PCDHGA6: variants seen among roughly 807,000 people sequenced by gnomAD.
PCDHGA6 encodes the protein protocadherin gamma subfamily A, 6, also known as protocadherin gamma-A6.
Under a neutral mutation model 60.6 loss-of-function variants are expected in PCDHGA6, and 41 were observed. The observed-to-expected ratio is 0.68, with a 90% CI of 0.53 to 0.88. The LOEUF is 0.88. Among genes scored for constraint, PCDHGA6 ranks in the 40% least tolerant of loss-of-function variants. PCDHGA6 has a pLI of 0.00. For missense variants in PCDHGA6, 1,312 were observed against 1,203.0 expected, an observed-to-expected ratio of 1.09 and a Z score of -1.34; for synonymous variants, 594 against 524.4, an observed-to-expected ratio of 1.13 and a Z score of -1.81.
intron 1 of PCDHGA6, chr5:141,478,227 G>A: frequency 6.2e-7 from 1 of 1,614,104 alleles, no homozygotes; most frequent in Non-Finnish European, 8.5e-7. Context: ...GTTTCTGTGG[G>A]GTTTGTGGTC....
chr5:141,436,591 G>A (rs903125499), intron 1 of PCDHGA6, among the ~76,000 whole-genome samples: 8 of 152,154 alleles, frequency 5.3e-5, no homozygotes, highest in Non-Finnish European at 1.0e-4. Context: ...TTGAAAGGTC[G>A]TGGTGATGGC....
chr5:141,402,714 T>G (rs1024254405), intron 1 of PCDHGA6, among the ~76,000 whole-genome samples: 2 of 152,220 alleles, frequency 1.3e-5, no homozygotes, highest in African/African-American at 4.8e-5. Flanking sequence ...TAGTAACGGC[T>G]TAGGACTCTG....
Position 141,431,003 on chromosome 5 carries a change from G to C in PCDHGA6, c.2424+54496G>C. The C allele has an allele frequency of 6.2e-7, 1 of 1,614,078 alleles. No individual in the cohort carries two copies. The highest frequency in any genetic ancestry group is 8.5e-7 in the Non-Finnish European group (1 of 1,179,974). On this transcript the variant is annotated intron_variant, in intron 1 of 3. Transcript: ENST00000517434. The surrounding 1 kb of genome is among the most constrained non-coding windows in gnomAD (Gnocchi z 4.8). ...GCTTTTCGCCCTGAATCCGCGCAGC[G>C]GCAGCTTGGTCACGGCGGGCAGGAT... is the stretch of plus-strand genomic sequence containing the variant.
At chr5:141,414,753 T>G (rs10041534) in intron 1 of PCDHGA6, 22 of 1,614,088 alleles carry the variant, frequency 1.4e-5, no homozygotes, top group Non-Finnish European at 1.8e-5. Context: ...CCTTCGACTA[T>G]GAGCAGTTTC....
chr5:141,426,369 A>G, intron 1 of PCDHGA6: 1 of 205,906 alleles, frequency 4.9e-6, no homozygotes, highest in Non-Finnish European at 1.0e-5. Context: ...TCTGCGGGGC[A>G]CCCTCGGAGC....
At chr5:141,407,238 T>C (rs538322072) in intron 1 of PCDHGA6, among the ~76,000 whole-genome samples, 1 of 152,338 alleles carries the variant, frequency 6.6e-6, no homozygotes, top group East Asian at 1.9e-4. Context: ...AAATAAAGCA[T>C]ACTTCAGGCT....
chr5:141,502,900 T>C (rs1433421797), intron 2 of PCDHGA6, among the ~76,000 whole-genome samples: 2 of 147,288 alleles, frequency 1.4e-5, no homozygotes, highest in Non-Finnish European at 3.0e-5. Flanking sequence ...TCTAGCTCTG[T>C]TGCCAGGCTG....
At chr5:141,433,358 C>CCTAT (rs3074541) in intron 1 of PCDHGA6, 148,925 of 502,316 alleles carry the variant, frequency 0.3, 18,760 homozygotes, top group East Asian at 0.33. Flanking sequence ...CTACTGTCTG[C>CCTAT]CTATCTATCT....
intron 1 of PCDHGA6, chr5:141,408,651 C>T (rs373860648): frequency 6.2e-7 from 1 of 1,614,012 alleles, no homozygotes; most frequent in Non-Finnish European, 8.5e-7. Flanking sequence ...TCCGCTGGTA[C>T]ACGACTATCG....
At position 141,374,262 on chromosome 5, in the gene PCDHGA6, C is replaced by T. The variant is rs369097101; in HGVS notation, c.179C>T (p.Ala60Val). ...KDLGLEPQEL[A>V]EHGVRIVSRG... ...CTGGGACTGGAGCCCCAGGAGTTGGCGGAGCACGGAGTCCGCATCGTCTCC... is the reference window on the plus strand; with the variant it reads ...CTGGGACTGGAGCCCCAGGAGTTGGTGGAGCACGGAGTCCGCATCGTCTCC... Residue 60 changes from alanine (A) to valine (V), a missense_variant, in exon 1 of 4, where the codon GCG (alanine) becomes GTG (valine). By Grantham distance (64) the Ala-to-Val change is moderately conservative. Transcript: ENST00000517434. The T allele has an allele frequency of 6.2e-7, 1 of 1,613,942 alleles. No individual in the cohort carries two copies. Among genetic ancestry groups the T allele is most frequent in the Non-Finnish European group, 8.5e-7 (1 of 1,179,870 alleles).
intron 3 of PCDHGA6, among the ~76,000 whole-genome samples, chr5:141,505,989 T>C (rs1275642739): frequency 6.6e-6 from 1 of 152,136 alleles, no homozygotes; most frequent in Non-Finnish European, 1.5e-5. Context: ...ACACCTCCTC[T>C]TTATGCGAGG....
intron 1 of PCDHGA6, chr5:141,478,259 T>G: frequency 6.2e-7 from 1 of 1,614,182 alleles, no homozygotes. Context: ...AGTAATCATA[T>G]TCAAAGTTTA....
chr5:141,466,799 C>T (rs1049340129), intron 1 of PCDHGA6, among the ~76,000 whole-genome samples: 1 of 152,056 alleles, frequency 6.6e-6, no homozygotes, highest in African/African-American at 2.4e-5. Flanking sequence ...CAAACTAGAT[C>T]CTATTCAGAC....
chr5:141,380,502 T>C (rs932449846), intron 1 of PCDHGA6, among the ~76,000 whole-genome samples: 2 of 152,190 alleles, frequency 1.3e-5, no homozygotes, highest in Admixed American at 1.3e-4. Flanking sequence ...AACAATAATA[T>C]ACACTCTTTA....
chr5:141,491,980 C>A lies in PCDHGA6; in HGVS notation c.2425-2827C>A. On this transcript the variant is annotated intron_variant, in intron 1 of 3. Coordinates refer to ENST00000517434, the MANE Select transcript of PCDHGA6 (RefSeq NM_018919.3). This position sits in a 1 kb window ranked among gnomAD's most constrained non-coding sequence, Gnocchi z 6.9. ...AAAAAAGGCCGGGGCCTCCTTCGAGCTTCCGGTGAATTTCGGGCGATTTCC... is the reference window on the plus strand; with the variant it reads ...AAAAAAGGCCGGGGCCTCCTTCGAGATTCCGGTGAATTTCGGGCGATTTCC... 1.3e-6 allele frequency: 1 copy of A among 784,426 alleles called. No homozygotes were observed. Among genetic ancestry groups the A allele is most frequent in the Non-Finnish European group, 1.9e-6 (1 of 530,582 alleles). The allele number at this position is 784,426 out of a possible 1,614,324, so 48.6% of individuals were successfully genotyped here.
At chr5:141,379,835 A>G (rs898204627) in intron 1 of PCDHGA6, among the ~76,000 whole-genome samples, 9 of 143,642 alleles carry the variant, frequency 6.3e-5, no homozygotes, top group Non-Finnish European at 3.1e-5. Context: ...AAGCATCAGG[A>G]AAAAAAACTA....
At chr5:141,494,752 T>G (rs889400984) in intron 1 of PCDHGA6, 55 bp from the exon 2 acceptor site, 6 of 1,612,324 alleles carry the variant, frequency 3.7e-6, no homozygotes, top group East Asian at 2.2e-5. Flanking sequence ...GGGGCTCGGG[T>G]GACATTCTAA....
At chr5:141,384,000 T>C (rs1160567279) in intron 1 of PCDHGA6, 2 of 1,613,774 alleles carry the variant, frequency 1.2e-6, no homozygotes, top group African/African-American at 1.3e-5. Flanking sequence ...CAGTCATTGC[T>C]CTTTTCTACC....
rs756915110 is a variant in PCDHGA6, at chr5:141,490,431, T to C, written c.2425-4376T>C. 6 of 1,614,036 alleles carry C rather than the reference T, an allele frequency of 3.7e-6. No individual in the cohort carries two copies. In the South Asian group the frequency reaches 6.6e-5, roughly 18 times the overall value. ...TCTCTCCGGACCTGCCATTTCAGATTAAGCCTTCTGAGAACCACTACTCGC... is the reference window on the plus strand; with the variant it reads ...TCTCTCCGGACCTGCCATTTCAGATCAAGCCTTCTGAGAACCACTACTCGC... On this transcript the variant is annotated intron_variant, in intron 1 of 3. Transcript: ENST00000517434. The surrounding 1 kb of genome is among the most constrained non-coding windows in gnomAD (Gnocchi z 5.4).
Sources: gnomAD v4.1 joint callset for allele counts (sites outside exome capture counted in the v4.1 genomes callset) on GRCh38, gnomAD v4.1.1 for gene constraint, Gnocchi (gnomAD v3.1) non-coding constraint, MANE v1.5 for transcripts, NCBI Gene and HGNC (gene_info 2026-07-23, HGNC 2026-07-21) for gene names.